KDM4C: variants seen among roughly 807,000 people sequenced by gnomAD.
KDM4C encodes lysine-specific demethylase 4C.
A neutral mutation model predicts 129.3 loss-of-function variants in KDM4C; 81 were observed. That is an observed-to-expected ratio of 0.63 (90% CI 0.52 to 0.75). The LOEUF (loss-of-function observed/expected upper bound fraction) is 0.75, where lower values mean the gene tolerates loss of function less well. Ranked by LOEUF, KDM4C falls within the 30% of genes least tolerant of loss-of-function variation. The pLI, the probability that KDM4C is intolerant of heterozygous loss-of-function variation, is 0.00. For synonymous variants in KDM4C, 573 were observed against 456.1 expected (o/e 1.26, Z -3.26); for missense variants, 1,457 against 1,304.0 (o/e 1.12, Z -1.81).
intron 4 of KDM4C, among the ~76,000 whole-genome samples, chr9:6,820,890 G>A (rs1291609600): frequency 1.3e-5 from 2 of 148,694 alleles, no homozygotes; most frequent in Non-Finnish European, 3.0e-5. Flanking sequence ...CCCCCGACAG[G>A]CCCCAGTGTG....
At chr9:7,136,936 A>G (rs919769411) in intron 19 of KDM4C, among the ~76,000 whole-genome samples, 5 of 152,228 alleles carry the variant, frequency 3.3e-5, no homozygotes, top group Admixed American at 6.5e-5. Flanking sequence ...AGCTCTAGCA[A>G]GCAGCTCCAG....
chr9:6,943,442 C>A (rs989792373), intron 8 of KDM4C, among the ~76,000 whole-genome samples: 7 of 152,092 alleles, frequency 4.6e-5, no homozygotes, highest in Non-Finnish European at 8.8e-5. Context: ...GGTGTAGTGG[C>A]TCTTGCCTGT....
intron 2 of KDM4C, among the ~76,000 whole-genome samples, chr9:6,797,816 T>C (rs1046099419): frequency 5.9e-5 from 9 of 152,216 alleles, no homozygotes; most frequent in Non-Finnish European, 1.2e-4. Context: ...GTAGTGCAAA[T>C]GCACATTTTA....
chr9:7,137,691 G>A (rs544805423), intron 19 of KDM4C, among the ~76,000 whole-genome samples: 3 of 152,306 alleles, frequency 2.0e-5, no homozygotes, highest in East Asian at 1.9e-4. Context: ...AATATATGGC[G>A]AATGGCAAGA....
intron 17 of KDM4C, among the ~76,000 whole-genome samples, chr9:7,061,880 C>G (rs534227013): frequency 6.6e-6 from 1 of 152,346 alleles, no homozygotes; most frequent in African/African-American, 2.4e-5. Flanking sequence ...AGCCAGTTCT[C>G]CGTACATTAC....
intron 1 of KDM4C, among the ~76,000 whole-genome samples, chr9:6,762,424 G>T (rs1028521541): frequency 6.6e-6 from 1 of 151,594 alleles, no homozygotes; most frequent in East Asian, 1.9e-4. Flanking sequence ...CTTCTGACTT[G>T]GCCTCCCACA....
At chr9:6,781,063 T>G (rs1190628534) in intron 1 of KDM4C, among the ~76,000 whole-genome samples, 2 of 152,154 alleles carry the variant, frequency 1.3e-5, no homozygotes, top group African/African-American at 2.4e-5. Flanking sequence ...TGGCATTGTC[T>G]CTGCTCTCTA....
intron 1 of KDM4C, among the ~76,000 whole-genome samples, chr9:6,750,349 G>GA (rs1818027130): frequency 1.3e-5 from 2 of 151,660 alleles, no homozygotes; most frequent in South Asian, 4.2e-4. Flanking sequence ...TACGGCAGGA[G>GA]AATCGCTTGA....
At chr9:6,839,859 C>T (rs1451273706) in intron 4 of KDM4C, among the ~76,000 whole-genome samples, 4 of 151,890 alleles carry the variant, frequency 2.6e-5, no homozygotes, top group Admixed American at 1.3e-4. Flanking sequence ...GCAGAGATCG[C>T]GTCACTGCAC....
At chr9:6,949,645 C>G (rs1036040955) in intron 8 of KDM4C, among the ~76,000 whole-genome samples, 3 of 152,224 alleles carry the variant, frequency 2.0e-5, no homozygotes, top group African/African-American at 7.2e-5. Flanking sequence ...TGGAGACCAG[C>G]CCGGCCAACA....
At chr9:6,748,196 A>G (rs569555365) in intron 1 of KDM4C, among the ~76,000 whole-genome samples, 43 of 149,740 alleles carry the variant, frequency 2.9e-4, no homozygotes, top group African/African-American at 1.0e-3. Context: ...AACAAAAAAC[A>G]ACAACAATTA....
At chr9:6,725,068 A>C (rs949052023) in intron 1 of KDM4C, among the ~76,000 whole-genome samples, 1 of 151,960 alleles carries the variant, frequency 6.6e-6, no homozygotes, top group African/African-American at 2.4e-5. Context: ...ACATTGTTTC[A>C]ATCTCTTGCT....
Position 6,922,405 on chromosome 9 carries a change from C to A in KDM4C, c.921+29173C>A, listed in dbSNP as rs750506617. Among the ~76,000 whole-genome samples, 108 of 152,126 alleles carry A rather than the reference C, an allele frequency of 7.1e-4. 1 individual carries two copies. Among genetic ancestry groups the A allele is most frequent in the Non-Finnish European group, 8.7e-4 (59 of 68,020 alleles). On this transcript the variant is annotated intron_variant, in intron 8 of 21. Transcript: ENST00000381309. Reference sequence around the variant, plus strand: ...TGATTACATTTACTGTTTTTTTCCCCCCCATTAAAAGAAGTAGAATTCCTG... The same window carrying A: ...TGATTACATTTACTGTTTTTTTCCCACCCATTAAAAGAAGTAGAATTCCTG...
intron 1 of KDM4C, among the ~76,000 whole-genome samples, chr9:6,759,127 C>T (rs192939646): frequency 6.6e-6 from 1 of 152,234 alleles, no homozygotes; most frequent in Admixed American, 6.5e-5. Flanking sequence ...TAAACTAACC[C>T]CGAGAGGTGA....
At chr9:7,063,924 C>G (rs921675993) in intron 17 of KDM4C, among the ~76,000 whole-genome samples, 1 of 152,174 alleles carries the variant, frequency 6.6e-6, no homozygotes, top group Non-Finnish European at 1.5e-5. Flanking sequence ...CTCTGAGTCT[C>G]AAGAAGTTCT....
At chr9:6,774,768 A>G (rs924801683) in intron 1 of KDM4C, among the ~76,000 whole-genome samples, 3 of 152,228 alleles carry the variant, frequency 2.0e-5, no homozygotes, top group Non-Finnish European at 4.4e-5. Context: ...TACTTGGGGC[A>G]TGCAAAAGAC....
chr9:6,779,663 C>T (rs554176350), intron 1 of KDM4C, among the ~76,000 whole-genome samples: 1 of 152,304 alleles, frequency 6.6e-6, no homozygotes, highest in African/African-American at 2.4e-5. Flanking sequence ...TCTGCTCTTG[C>T]AACCTTCAAC....
Position 7,086,355 on chromosome 9 carries a change from C to T in KDM4C, c.2425-17330C>T, listed in dbSNP as rs143596827. Among the ~76,000 whole-genome samples the T allele has an allele frequency of 5.1e-4, 77 of 152,268 alleles. 1 individual carries two copies. The East Asian group carries it at 0.012, about 23-fold the overall frequency. ...ACAGTGATTGCCGCAACACCAGCAT[C>T]GGAATAGTTATTACTCTGTTGAGTA... On this transcript the variant is annotated intron_variant, in intron 17 of 21. Coordinates refer to ENST00000381309, the MANE Select transcript of KDM4C (RefSeq NM_015061.6).
At chr9:6,815,887 C>G (rs577153428) in intron 4 of KDM4C, among the ~76,000 whole-genome samples, 4 of 152,284 alleles carry the variant, frequency 2.6e-5, no homozygotes, top group African/African-American at 9.6e-5. Context: ...CTCTTTATCT[C>G]TGTTTCTATC....
Sources: allele counts gnomAD v4.1 joint callset (sites outside exome capture counted in the v4.1 genomes callset), GRCh38; gene constraint gnomAD v4.1.1; transcripts MANE v1.5; gene names NCBI Gene and HGNC (gene_info 2026-07-23, HGNC 2026-07-21).